TGM6: variants seen among roughly 807,000 people sequenced by gnomAD.
TGM6 encodes the protein protein-glutamine gamma-glutamyltransferase 6.
TGM6 carries 74 observed loss-of-function variants against 77.5 expected under a neutral mutation model. The ratio of observed to expected loss-of-function variants is 0.96; its 90% CI spans 0.79 to 1.16. The LOEUF (loss-of-function observed/expected upper bound fraction) is 1.16. Ranked by LOEUF, TGM6 falls within the 50% of genes most tolerant of loss-of-function variation. TGM6 has a pLI of 0.00. For missense variants in TGM6, 968 were observed against 940.2 expected, an observed-to-expected ratio of 1.03 and a Z score of -0.39; for synonymous variants, 383 against 378.9, an observed-to-expected ratio of 1.01 and a Z score of -0.12.
intron 12 of TGM6, 75 bp from the exon 13 acceptor site, chr20:2,432,415 G>T: frequency 6.3e-7 from 1 of 1,581,102 alleles, no homozygotes. Context: ...AGCCTGGGGA[G>T]CCGTGGATTG....
chr20:2,398,079 T>A, intron 5 of TGM6, 33 bp downstream of exon 5: 1 of 1,614,024 alleles, frequency 6.2e-7, no homozygotes, highest in Non-Finnish European at 8.5e-7. Flanking sequence ...CACATGTACT[T>A]CCTCAAGGAT....
At chr20:2,425,862 A>G (rs1363449301) in intron 10 of TGM6, among the ~76,000 whole-genome samples, 1 of 152,174 alleles carries the variant, frequency 6.6e-6, no homozygotes, top group African/African-American at 2.4e-5. Flanking sequence ...TTCGTGTTCG[A>G]AACTATACAA....
chr20:2,432,668 T>C lies in TGM6; in HGVS notation c.*25T>C, dbSNP rs1474250368. The C allele has an allele frequency of 6.2e-7, 1 of 1,613,814 alleles. No individual in the cohort carries two copies. Among genetic ancestry groups the C allele is most frequent in the African/African-American group, 1.3e-5 (1 of 74,950 alleles). ...ATGGATCATGAGGGACTGAGAGGGG[T>C]GGATTTGGCCCCTGTCCTCCTCCTG... On this transcript the variant is annotated 3_prime_UTR_variant, in exon 13 of 13. Coordinates refer to ENST00000202625, the MANE Select transcript of TGM6 (RefSeq NM_198994.3).
intron 1 of TGM6, among the ~76,000 whole-genome samples, chr20:2,384,970 C>T (rs1224863513): frequency 1.3e-5 from 2 of 152,144 alleles, no homozygotes; most frequent in East Asian, 3.9e-4. Context: ...CCAGTTCTGT[C>T]CTCAGGGCCT....
At chr20:2,420,397 C>T (rs1365546639) in intron 10 of TGM6, among the ~76,000 whole-genome samples, 1 of 152,082 alleles carries the variant, frequency 6.6e-6, no homozygotes, top group Non-Finnish European at 1.5e-5. Context: ...CCCTGTCCAC[C>T]ACCACGCCTC....
At chr20:2,398,912 C>T (rs894088447) in intron 5 of TGM6, among the ~76,000 whole-genome samples, 3 of 152,094 alleles carry the variant, frequency 2.0e-5, no homozygotes, top group Non-Finnish European at 4.4e-5. Context: ...TATATTTCTC[C>T]TATTTGATAC....
intron 9 of TGM6, among the ~76,000 whole-genome samples, chr20:2,416,451 T>C (rs1273590757): frequency 1.3e-5 from 2 of 152,230 alleles, no homozygotes; most frequent in African/African-American, 2.4e-5. Context: ...GGGACCGCTG[T>C]ATACCCACAT....
At chr20:2,386,495 T>C (rs1373917359) in intron 1 of TGM6, among the ~76,000 whole-genome samples, 2 of 151,750 alleles carry the variant, frequency 1.3e-5, no homozygotes, top group Non-Finnish European at 2.9e-5. Flanking sequence ...GGGAGCAAAA[T>C]AGGGACAAAT....
chr20:2,397,791 C>T, intron 4 of TGM6, 127 bp from the exon 5 acceptor site: 1 of 1,494,452 alleles, frequency 6.7e-7, no homozygotes, highest in Non-Finnish European at 9.3e-7. Context: ...TGTGATGCCC[C>T]TGGTGGTTGG....
At chr20:2,393,681 C>T (rs544475166) in intron 1 of TGM6, among the ~76,000 whole-genome samples, 21 of 152,094 alleles carry the variant, frequency 1.4e-4, no homozygotes, top group African/African-American at 4.1e-4. Flanking sequence ...CCCGCCACCA[C>T]GCCTGGCTCA....
In TGM6 at chr20:2,403,625, G is replaced by A; in HGVS notation, c.1138G>A (p.Gly380Ser). 1.2e-6 allele frequency: 2 copies of A among 1,614,180 alleles called. No individual in the cohort carries two copies. Among genetic ancestry groups the A allele is most frequent in the Non-Finnish European group, 8.5e-7 (1 of 1,180,038 alleles). Residue 380 changes from glycine to serine, a missense_variant, in exon 9 of 13, where the codon GGT becomes AGT. Transcript: ENST00000202625. ...GPASVTAIRE[G>S]DVHLAHDGPF... is the part of the protein sequence containing the mutation. ...AGCCTCAGTCACCGCCATCCGCGAG[G>A]GTGATGTGCACCTGGCTCACGATGG...
At chr20:2,400,164 C>A in intron 6 of TGM6, 142 bp from the exon 7 acceptor site, 3 of 1,220,712 alleles carry the variant, frequency 2.5e-6, no homozygotes, top group Non-Finnish European at 3.5e-6. Flanking sequence ...CTCAGCCCCA[C>A]AACCTGATGA....
chr20:2,396,481 A>G (rs746765509), intron 3 of TGM6, 25 bp from the exon 4 acceptor site: 1 of 1,611,336 alleles, frequency 6.2e-7, no homozygotes, highest in East Asian at 2.2e-5. Flanking sequence ...CCCAGTCCAC[A>G]CCGGGCCTGA....
intron 1 of TGM6, among the ~76,000 whole-genome samples, chr20:2,384,816 G>A (rs1039772965): frequency 6.6e-6 from 1 of 152,212 alleles, no homozygotes; most frequent in Non-Finnish European, 1.5e-5. Flanking sequence ...TAACAGGCAG[G>A]TGGAGGGAGC....
chr20:2,417,400 T>C lies in TGM6; in HGVS notation c.1505T>C (p.Leu502Pro), dbSNP rs373147686. 50 of 1,613,676 alleles carry C rather than the reference T, an allele frequency of 3.1e-5. 1 individual carries two copies. In the South Asian group the frequency reaches 3.6e-4, roughly 12 times the overall value. Reference protein sequence around the residue: ...KPSIAGKFKVLEPPMLGHDLR... With the variant: ...KPSIAGKFKVPEPPMLGHDLR... ...AGCATCGCTGGCAAGTTCAAGGTGC[T>C]AGAGCCTCCCATGCTGGGCCACGAC... is the stretch of plus-strand genomic sequence containing the variant. Residue 502 changes from leucine to proline, a missense_variant, in exon 10 of 13, where the codon CTA becomes CCA. Physicochemically the swap from Leu to Pro is moderately conservative, Grantham distance 98. Transcript: ENST00000202625.
intron 6 of TGM6, 112 bp downstream of exon 6, chr20:2,399,850 G>T: frequency 1.0e-6 from 1 of 979,634 alleles, no homozygotes; most frequent in Non-Finnish European, 1.5e-6. Context: ...TGGATTCATT[G>T]ACAGGGAGAA....
At chr20:2,394,941 G>A (rs1015007681) in intron 2 of TGM6, among the ~76,000 whole-genome samples, 2 of 152,174 alleles carry the variant, frequency 1.3e-5, no homozygotes, top group African/African-American at 4.8e-5. Context: ...TTCCTGGCCC[G>A]ACATAGGCAG....
intron 10 of TGM6, among the ~76,000 whole-genome samples, chr20:2,420,833 T>C (rs544698258): frequency 2.7e-5 from 4 of 150,496 alleles, no homozygotes; most frequent in African/African-American, 9.8e-5. Flanking sequence ...GGTCATTTCT[T>C]CTTATTGCAA....
In TGM6 at chr20:2,417,390, T is replaced by G; in HGVS notation, c.1495T>G (p.Phe499Val). ...PATKPSIAGK[F>V]KVLEPPMLGH... ...CACCAAGCCCAGCATCGCTGGCAAG[T>G]TCAAGGTGCTAGAGCCTCCCATGCT... The change falls in exon 10 of 13, where the codon TTC becomes GTC. Residue 499 changes from phenylalanine to valine, a missense_variant. Transcript: ENST00000202625. 1 of 1,613,708 alleles carries G rather than the reference T, an allele frequency of 6.2e-7. No homozygotes were observed. Among genetic ancestry groups the G allele is most frequent in the Non-Finnish European group, 8.5e-7 (1 of 1,179,994 alleles).
Sources: allele counts gnomAD v4.1 joint callset (sites outside exome capture counted in the v4.1 genomes callset), GRCh38; gene constraint gnomAD v4.1.1; transcripts MANE v1.5; gene names NCBI Gene and HGNC (gene_info 2026-07-23, HGNC 2026-07-21).